The following HERC1 variants were observed in gnomAD, a reference collection of about 807,000 sequenced individuals.
HERC1 encodes HECT and RLD domain containing E3 ubiquitin protein ligase family member 1, also known as probable E3 ubiquitin-protein ligase HERC1.
Under a neutral mutation model 554.3 loss-of-function variants are expected in HERC1, and 160 were observed. The observed-to-expected ratio is 0.29, with a 90% CI of 0.25 to 0.33. The LOEUF (loss-of-function observed/expected upper bound fraction) is 0.33, where lower values mean the gene tolerates loss of function less well. Ranked by LOEUF, HERC1 falls within the 10% of genes least tolerant of loss-of-function variation. The pLI is 1.00. For synonymous variants in HERC1, 2,175 were observed against 2,131.7 expected, an observed-to-expected ratio of 1.02 and a Z score of -0.56; for missense variants, 4,919 against 5,918.5, an observed-to-expected ratio of 0.83 and a Z score of 5.54.
chr15:63,729,028 AATTAGGCCTCTGTC>A (rs2074160477), intron 16 of HERC1, among the ~76,000 whole-genome samples, 194 bp downstream of exon 16: 1 of 152,102 alleles, frequency 6.6e-6, no homozygotes, highest in African/African-American at 2.4e-5. Context: ...AGTGCCTTTA[AATTAGGCCTCTGTC>A]ATGCCAAGTA....
chr15:63,826,798 A>ATATATATATAT (rs1483588151), intron 1 of HERC1, among the ~76,000 whole-genome samples: 1 of 48,146 alleles, frequency 2.1e-5, no homozygotes. Flanking sequence ...AAAAAAAAAA[A>ATATATATATAT]AAAAAAAAAA....
rs763259633 is a variant in HERC1, at chr15:63,666,487, A to G, written c.8207-15T>C. On this transcript the variant is annotated splice_polypyrimidine_tract_variant and intron_variant, in intron 40 of 77. Coordinates refer to ENST00000443617, the MANE Select transcript of HERC1 (RefSeq NM_003922.4). ...GTCTGACAAGGCTGAGACAAAAGGAAGAGAAATAAGAACCTAAATATCACT... is the reference window on the plus strand; with the variant it reads ...GTCTGACAAGGCTGAGACAAAAGGAGGAGAAATAAGAACCTAAATATCACT... 1.3e-6 allele frequency: 2 copies of G among 1,500,936 alleles called. No homozygotes were observed. The highest frequency in any genetic ancestry group is 9.2e-7 in the Non-Finnish European group (1 of 1,087,388). The allele number at this position is 1,500,936 out of a possible 1,614,324, so 93.0% of individuals were successfully genotyped here. A position where few individuals can be genotyped will look rare whatever the true frequency, so the allele number is the denominator to read the frequency against.
chr15:63,686,919 A>C (rs1416455043), intron 33 of HERC1, among the ~76,000 whole-genome samples: 3 of 152,220 alleles, frequency 2.0e-5, no homozygotes, highest in Non-Finnish European at 4.4e-5. Context: ...CAAATGAGAG[A>C]GGCATTTTAA....
chr15:63,800,758 A>G (rs535964037), intron 1 of HERC1, among the ~76,000 whole-genome samples: 1 of 152,320 alleles, frequency 6.6e-6, no homozygotes, highest in South Asian at 2.1e-4. Flanking sequence ...CCTTTGTGAT[A>G]GGGGAATAGG....
At chr15:63,796,604 C>T (rs1362985873) in intron 1 of HERC1, among the ~76,000 whole-genome samples, 1 of 152,192 alleles carries the variant, frequency 6.6e-6, no homozygotes, top group African/African-American at 2.4e-5. Context: ...GTCCTGATGA[C>T]ATGTACCCAA....
chr15:63,664,406 T>A (rs1463582352), intron 43 of HERC1, 64 bp downstream of exon 43: 1 of 1,472,734 alleles, frequency 6.8e-7, no homozygotes, highest in African/African-American at 1.4e-5. Context: ...TTCTTTAATG[T>A]GCCTTTACAT....
chr15:63,757,104 A>G (rs2075441945), intron 4 of HERC1, among the ~76,000 whole-genome samples: 1 of 152,090 alleles, frequency 6.6e-6, no homozygotes, highest in African/African-American at 2.4e-5. Flanking sequence ...GGCAAGAACC[A>G]TATAAAATGT....
intron 26 of HERC1, among the ~76,000 whole-genome samples, chr15:63,698,412 C>T (rs2072544975): frequency 1.4e-5 from 2 of 144,292 alleles, no homozygotes; most frequent in African/African-American, 5.2e-5. Flanking sequence ...GAGCGAAACT[C>T]CGTCTCCAAA....
intron 39 of HERC1, 40 bp downstream of exon 39, chr15:63,672,456 A>AGGCATCAGTATGGCAGACATTAAAGG (rs1342718687): frequency 7.0e-7 from 1 of 1,424,798 alleles, no homozygotes; most frequent in African/African-American, 1.4e-5. Flanking sequence ...TCAGAAACAC[A>AGGCATCAGTATGGCAGACATTAAAGG]GGCATCAGTA....
At chr15:63,825,586 T>C (rs908824398) in intron 1 of HERC1, among the ~76,000 whole-genome samples, 2 of 152,062 alleles carry the variant, frequency 1.3e-5, no homozygotes, top group African/African-American at 4.8e-5. Flanking sequence ...CCTGTGACTT[T>C]TGTGGGCTTA....
intron 2 of HERC1, among the ~76,000 whole-genome samples, chr15:63,765,754 G>T (rs11639437): frequency 0.81 from 123,605 of 152,088 alleles, 52,048 homozygotes; most frequent in Non-Finnish European, 0.87. Context: ...ATATTATGTC[G>T]CCCTAAAATG....
Position 63,734,932 on chromosome 15 carries a change from A to G in HERC1, c.2521-83T>C, listed in dbSNP as rs534123562. The G allele has an allele frequency of 8.6e-7, 1 of 1,168,636 alleles. No homozygotes were observed. The highest frequency in any genetic ancestry group is 1.2e-6 in the Non-Finnish European group (1 of 827,432). The allele number at this position is 1,168,636 out of a possible 1,614,324, so 72.4% of individuals were successfully genotyped here. On this transcript the variant is annotated intron_variant, in intron 12 of 77. Transcript: ENST00000443617. This position sits in a 1 kb window ranked among gnomAD's most constrained non-coding sequence, Gnocchi z 4.6. ...CACACTTAAAGCGAACTCACTGACT[A>G]CTAGGATCATGTAAGTCTAAAAAAG...
intron 64 of HERC1, chr15:63,636,950 A>G: frequency 3.1e-6 from 1 of 321,084 alleles, no homozygotes; most frequent in East Asian, 7.6e-5. Context: ...AGCTTCTAGG[A>G]ACTTGTTTTG....
At position 63,634,090 on chromosome 15, in the gene HERC1, A is replaced by G. The variant is rs78323570; in HGVS notation, c.12571-120T>C. On this transcript the variant is annotated intron_variant, in intron 66 of 77. Transcript: ENST00000443617. ...TTGGCTATGTTTCCAAATATCTACA[A>G]TGGTTTCAGAGCATACTACAAATGT... 7.8e-3 allele frequency: 8,265 copies of G among 1,061,496 alleles called. 421 individuals carry two copies. The African/African-American group carries it at 0.11, about 15-fold the overall frequency. 65.8% of individuals were successfully genotyped at this position (1,061,496 alleles called of 1,614,324 possible).
chr15:63,783,877 C>T (rs2076359820), intron 1 of HERC1, among the ~76,000 whole-genome samples: 2 of 152,148 alleles, frequency 1.3e-5, no homozygotes, highest in Admixed American at 6.5e-5. Flanking sequence ...ACCATCCTGG[C>T]CAACATGGTG....
In HERC1 at chr15:63,672,679, G is replaced by T. The variant is rs1383931579; in HGVS notation, c.7862C>A (p.Ala2621Asp). The change falls in exon 39 of 78, where the codon GCT (alanine) becomes GAT (aspartate). Residue 2621 changes from alanine to aspartate, a missense_variant. Transcript: ENST00000443617. Reference protein sequence around the residue: ...GKIKQEIDQQAEESDPAQQAQ... With the variant: ...GKIKQEIDQQDEESDPAQQAQ... ...CTGCTGGGCAGGGTCACTTTCTTCAGCTTGTTGATCAATCTCTAGAAACCA... is the reference window on the plus strand; with the variant it reads ...CTGCTGGGCAGGGTCACTTTCTTCATCTTGTTGATCAATCTCTAGAAACCA... The T allele has an allele frequency of 5.0e-6, 8 of 1,604,412 alleles. No homozygotes were observed. The highest frequency in any genetic ancestry group is 2.2e-5 in the East Asian group (1 of 44,828).
chr15:63,746,922 T>G lies in HERC1; in HGVS notation c.2516A>C (p.Gln839Pro). Residue 839 changes from glutamine to proline, a missense_variant, in exon 12 of 78, where the codon CAA becomes CCA. This residue lies in a region of HERC1 where 744 missense variants were observed against 1,090.0 expected (regional missense o/e 0.68). Coordinates refer to ENST00000443617, the MANE Select transcript of HERC1 (RefSeq NM_003922.4). ...TCACAAGTCCTATTCTCTTACCTCT[T>G]GGATTTCATCTGGGACAGTTGAGTC... ...LMDSTVPDEI[Q>P]EVVIETLSVG... 6.4e-7 allele frequency: 1 copy of G among 1,551,942 alleles called. No homozygotes were observed. The highest frequency in any genetic ancestry group is 1.4e-5 in the African/African-American group (1 of 73,178).
intron 37 of HERC1, among the ~76,000 whole-genome samples, chr15:63,676,283 T>C (rs1220100819): frequency 6.6e-6 from 1 of 152,190 alleles, no homozygotes; most frequent in Non-Finnish European, 1.5e-5. Flanking sequence ...CACTTGCATG[T>C]CATTCTGTAA....
At chr15:63,785,031 A>G (rs1294599653) in intron 1 of HERC1, among the ~76,000 whole-genome samples, 1 of 152,242 alleles carries the variant, frequency 6.6e-6, no homozygotes, top group Non-Finnish European at 1.5e-5. Context: ...CAAATTATCT[A>G]GAAAGTTATA....
Sources: gnomAD v4.1 joint callset for allele counts (sites outside exome capture counted in the v4.1 genomes callset) on GRCh38, gnomAD v4.1.1 for gene constraint, gnomAD v4.1.1 regional missense constraint, Gnocchi (gnomAD v3.1) non-coding constraint, MANE v1.5 for transcripts, NCBI Gene and HGNC (gene_info 2026-07-23, HGNC 2026-07-21) for gene names.